ATP7B: variants seen among roughly 807,000 people sequenced by gnomAD.
The protein encoded by ATP7B is copper-transporting ATPase 2.
A neutral mutation model predicts 118.9 loss-of-function variants in ATP7B; 113 were observed. That is an observed-to-expected ratio of 0.95 (90% CI 0.82 to 1.11). The LOEUF is 1.11. Ranked by LOEUF, ATP7B falls within the 50% of genes most tolerant of loss-of-function variation. The pLI, the probability that ATP7B is intolerant of heterozygous loss-of-function variation, is 0.00. For missense variants in ATP7B, 1,867 were observed against 1,871.4 expected, an observed-to-expected ratio of 1.00 and a Z score of 0.04; for synonymous variants, 777 against 727.4, an observed-to-expected ratio of 1.07 and a Z score of -1.10.
At chr13:51,991,725 T>C (rs1358168772) in intron 1 of ATP7B, among the ~76,000 whole-genome samples, 5 of 152,154 alleles carry the variant, frequency 3.3e-5, no homozygotes, top group African/African-American at 7.2e-5. Flanking sequence ...CCCATTCCTC[T>C]CCAGCTCACC....
At chr13:52,010,003 A>G (rs1670328050) in intron 1 of ATP7B, among the ~76,000 whole-genome samples, 1 of 152,218 alleles carries the variant, frequency 6.6e-6, no homozygotes, top group Admixed American at 6.5e-5. Context: ...AGAGGATTCC[A>G]GAAGACAGGT....
intron 12 of ATP7B, among the ~76,000 whole-genome samples, chr13:51,947,499 C>T (rs1028116962): frequency 6.6e-6 from 1 of 152,154 alleles, no homozygotes; most frequent in African/African-American, 2.4e-5. Flanking sequence ...ACTATGTTCA[C>T]TTACTTATAG....
chr13:51,997,655 G>C (rs1420739554), intron 1 of ATP7B, among the ~76,000 whole-genome samples: 8 of 152,188 alleles, frequency 5.3e-5, no homozygotes, highest in Admixed American at 5.2e-4. Flanking sequence ...TCATATTTGT[G>C]ATCTGGAAAC....
At chr13:51,946,554 A>G in intron 12 of ATP7B, 76 bp from the exon 13 acceptor site, 2 of 1,540,592 alleles carry the variant, frequency 1.3e-6, no homozygotes, top group Non-Finnish European at 1.8e-6. Flanking sequence ...ACATAAGGAC[A>G]TTTCAGGGGG....
rs1345070096 is a variant in ATP7B at position 51,974,393 on chromosome 13, T to A, written c.827A>T (p.Glu276Val). 2 of 1,613,950 alleles carry A rather than the reference T, an allele frequency of 1.2e-6. No homozygotes were observed. The highest frequency in any genetic ancestry group is 3.3e-5 in the Admixed American group (2 of 60,026). Residue 276 changes from glutamate (E) to valine (V), a missense_variant, in exon 2 of 21, where the codon GAA becomes GTA. By Grantham distance (121) the Glu-to-Val change is moderately radical. Coordinates refer to ENST00000242839, the MANE Select transcript of ATP7B (RefSeq NM_000053.4). ...CCCTAGGAGCTGGCCAATATTTTCT[T>A]CAATATTCAAGACGCAAGACTTACA... ...MHCKSCVLNI[E>V]ENIGQLLGVQ... is the part of the protein sequence containing the mutation.
intron 5 of ATP7B, among the ~76,000 whole-genome samples, chr13:51,963,830 A>G (rs565474416): frequency 6.6e-6 from 1 of 151,530 alleles, no homozygotes; most frequent in South Asian, 2.1e-4. Flanking sequence ...CAGGTGGATC[A>G]CCTAAGGTGT....
At chr13:51,967,222 T>C (rs919073863) in intron 4 of ATP7B, 17 of 1,050,820 alleles carry the variant, frequency 1.6e-5, no homozygotes, top group African/African-American at 9.5e-5. Flanking sequence ...CAAATCTCCA[T>C]ACTGTTTCTT....
rs1369802320 is a variant in ATP7B, at chr13:51,937,649, G to A, written c.3730C>T (p.Leu1244=). The part of the protein sequence containing the change: ...VGINKVFAEV[L]PSHKVAKVQE... ...ACCTTGGCCACCTTGTGCGAAGGCA[G>A]CACCTCTGCAAAGACTTTGTTGATG... The change falls in exon 18 of 21, where the codon CTG becomes TTG. Residue 1244 remains leucine (L), a synonymous_variant. Transcript: ENST00000242839. The A allele has an allele frequency of 6.2e-7, 1 of 1,614,270 alleles. No individual in the cohort carries two copies.
chr13:51,946,700 G>C (rs922083516), intron 12 of ATP7B: 1 of 614,218 alleles, frequency 1.6e-6, no homozygotes, highest in Non-Finnish European at 2.9e-6. Context: ...CCTCAAAGAG[G>C]CATTACAGGA....
At chr13:51,965,799 T>C (rs1375260804) in intron 4 of ATP7B, among the ~76,000 whole-genome samples, 1 of 152,188 alleles carries the variant, frequency 6.6e-6, no homozygotes, top group African/African-American at 2.4e-5. Context: ...AAAGTGTTGC[T>C]AAGCTAGCAC....
intron 15 of ATP7B, among the ~76,000 whole-genome samples, chr13:51,941,515 C>T (rs1322747754): frequency 1.3e-5 from 2 of 152,116 alleles, no homozygotes; most frequent in African/African-American, 4.8e-5. Flanking sequence ...TAGAAGTATC[C>T]ACTGATTCTT....
At chr13:51,985,334 T>G (rs1405186548) in intron 1 of ATP7B, among the ~76,000 whole-genome samples, 1 of 152,174 alleles carries the variant, frequency 6.6e-6, no homozygotes, top group African/African-American at 2.4e-5. Context: ...CCTTACATAA[T>G]GGTAAAGGGA....
chr13:51,962,299 A>T (rs552069854), intron 5 of ATP7B, among the ~76,000 whole-genome samples: 1 of 152,340 alleles, frequency 6.6e-6, no homozygotes, highest in Non-Finnish European at 1.5e-5. Context: ...CTGGACTCAG[A>T]GCTCCAGCCT....
intron 1 of ATP7B, among the ~76,000 whole-genome samples, chr13:51,983,579 T>C (rs1339608795): frequency 2.0e-5 from 3 of 152,066 alleles, no homozygotes; most frequent in Admixed American, 6.5e-5. Context: ...TCAGACTGCC[T>C]CCTCAAGTGG....
In ATP7B at chr13:51,946,420, G is replaced by T. The variant is rs778163447; in HGVS notation, c.2924C>A (p.Ser975Tyr). The change falls in exon 13 of 21, where the codon TCC becomes TAC. Residue 975 changes from serine to tyrosine, a missense_variant. Transcript: ENST00000242839. ...EVIIRFAFQT[S>Y]ITVLCIACPC... is the part of the protein sequence containing the mutation. ...GCAGGCAATGCACAGCACCGTGATG[G>T]ACGTCTGGAAAGCAAACCGGATGAT... is the stretch of plus-strand genomic sequence containing the variant. The T allele has an allele frequency of 6.2e-7, 1 of 1,614,098 alleles. No individual in the cohort carries two copies. Among genetic ancestry groups the T allele is most frequent in the East Asian group, 2.2e-5 (1 of 44,902 alleles).
chr13:51,946,343 C>T lies in ATP7B; in HGVS notation c.3001G>A (p.Val1001Met). The change falls in exon 13 of 21, where the codon GTG becomes ATG. Residue 1001 changes from valine to methionine, a missense_variant. Coordinates refer to ENST00000242839, the MANE Select transcript of ATP7B (RefSeq NM_000053.4). ...ATGAGGATGCCGTTCTGCGCGGCCA[C>T]CCCGGTGCCCACCATGACAGCCGTG... ...TPTAVMVGTGVAAQNGILIKG... is the reference protein window; with the variant it reads ...TPTAVMVGTGMAAQNGILIKG... The T allele has an allele frequency of 6.2e-7, 1 of 1,610,970 alleles. No individual in the cohort carries two copies. Among genetic ancestry groups the T allele is most frequent in the Non-Finnish European group, 8.5e-7 (1 of 1,179,050 alleles).
chr13:51,971,821 G>A (rs1031229825), intron 2 of ATP7B, among the ~76,000 whole-genome samples: 1 of 152,216 alleles, frequency 6.6e-6, no homozygotes. Flanking sequence ...ACTTTTCAAG[G>A]ACACAAACTT....
chr13:52,004,579 C>T (rs1566673105), intron 1 of ATP7B, among the ~76,000 whole-genome samples: 1 of 152,244 alleles, frequency 6.6e-6, no homozygotes, highest in African/African-American at 2.4e-5. Flanking sequence ...CAACTAAACT[C>T]TAACTAGGGT....
In ATP7B at chr13:51,937,480, A is replaced by G. The variant is rs1957038377; in HGVS notation, c.3899T>C (p.Ile1300Thr). ...CCTGGCTGCAGCCACGCTCACTCTG[A>G]TAAGGACGACGTCGGCTGCCTCGAT... is the stretch of plus-strand genomic sequence containing the variant. ...VAIEAADVVL[I>T]RNDLLDVVAS... Residue 1300 changes from isoleucine to threonine, a missense_variant, in exon 18 of 21, where the codon ATC becomes ACC. Coordinates refer to ENST00000242839, the MANE Select transcript of ATP7B (RefSeq NM_000053.4). The G allele has an allele frequency of 1.2e-6, 2 of 1,614,076 alleles. No individual in the cohort carries two copies. The highest frequency in any genetic ancestry group is 2.2e-5 in the South Asian group (2 of 91,086).
Sources: allele counts gnomAD v4.1 joint callset (sites outside exome capture counted in the v4.1 genomes callset), GRCh38; gene constraint gnomAD v4.1.1; transcripts MANE v1.5; gene names NCBI Gene and HGNC (gene_info 2026-07-23, HGNC 2026-07-21).